Variants in MAST3 observed in about 807,000 individuals in gnomAD.
The protein encoded by MAST3 is microtubule associated serine/threonine kinase 3.
Under a neutral mutation model 127.0 loss-of-function variants are expected in MAST3, and 43 were observed. The ratio of observed to expected loss-of-function variants is 0.34; its 90% CI spans 0.27 to 0.44. The LOEUF is 0.44. MAST3 is among the 20% of genes least tolerant of loss of function. The pLI is 1.00. For synonymous variants in MAST3, 785 were observed against 809.2 expected (o/e 0.97, Z 0.51); for missense variants, 1,390 against 1,919.1 (o/e 0.72, Z 5.15).
chr19:18,147,639 AC>A lies in MAST3; in HGVS notation c.3508+21del, dbSNP rs749945866. On this transcript the variant is annotated intron_variant, in intron 27 of 27. Transcript: ENST00000687212. ...TGTCCCAGCAGGTGGGTGCACCCCG[AC>A]CCCCCACCACCCCGGCTACCCTGGG... is the stretch of plus-strand genomic sequence containing the variant. 6.0e-6 allele frequency: 9 copies of A among 1,494,626 alleles called. No homozygotes were observed. Among genetic ancestry groups the A allele is most frequent in the Middle Eastern group, 1.9e-4 (1 of 5,224 alleles). The allele number at this position is 1,494,626 out of a possible 1,614,324, so 92.6% of individuals were successfully genotyped here.
chr19:18,131,820 G>C (rs2041325832), intron 14 of MAST3, 89 bp from the exon 15 acceptor site: 2 of 1,430,186 alleles, frequency 1.4e-6, no homozygotes, highest in African/African-American at 2.8e-5. Context: ...GTAAAGCGAG[G>C]AGGATGCATA....
At chr19:18,148,651 C>T (rs1023162342) in intron 27 of MAST3, among the ~76,000 whole-genome samples, 1 of 151,698 alleles carries the variant, frequency 6.6e-6, no homozygotes, top group Admixed American at 6.6e-5. Flanking sequence ...GCCTGTAATC[C>T]CAGCACTTTG....
At chr19:18,105,508 G>T (rs1016495879) in intron 1 of MAST3, among the ~76,000 whole-genome samples, 2 of 150,728 alleles carry the variant, frequency 1.3e-5, no homozygotes, top group Middle Eastern at 3.4e-3. Flanking sequence ...AGACTAGCCT[G>T]GGTAACATGG....
intron 13 of MAST3, 41 bp from the exon 14 acceptor site, chr19:18,130,453 C>T: frequency 6.5e-7 from 1 of 1,543,268 alleles, no homozygotes; most frequent in South Asian, 1.2e-5. Flanking sequence ...CTGCTGGGGC[C>T]TCGATCTCCG....
At chr19:18,132,218 C>G (rs541377138) in intron 15 of MAST3, among the ~76,000 whole-genome samples, 171 bp downstream of exon 15, 1 of 152,268 alleles carries the variant, frequency 6.6e-6, no homozygotes, top group Admixed American at 6.5e-5. Context: ...AGGGAATGAG[C>G]GCATGGTGAA....
chr19:18,119,111 C>T (rs1357893366), intron 3 of MAST3, among the ~76,000 whole-genome samples: 1 of 152,158 alleles, frequency 6.6e-6, no homozygotes. Flanking sequence ...TCCTGGATCT[C>T]CTCCAGGAAG....
intron 27 of MAST3, among the ~76,000 whole-genome samples, chr19:18,148,318 T>C (rs1599929493): frequency 2.0e-5 from 3 of 148,446 alleles, no homozygotes; most frequent in Admixed American, 2.0e-4. Context: ...AAAAATTAGG[T>C]GGTTGTGGTG....
chr19:18,105,277 G>T (rs1252261012), intron 1 of MAST3, among the ~76,000 whole-genome samples: 1 of 152,122 alleles, frequency 6.6e-6, no homozygotes, highest in East Asian at 1.9e-4. Flanking sequence ...TGAGTCAGGA[G>T]AATCGCTTGA....
intron 19 of MAST3, among the ~76,000 whole-genome samples, chr19:18,137,797 G>C (rs1203227879): frequency 6.6e-6 from 1 of 152,186 alleles, no homozygotes; most frequent in African/African-American, 2.4e-5. Flanking sequence ...TCCCCACTTG[G>C]GGTTCCTGCC....
Position 18,123,957 on chromosome 19 carries a change from G to T in MAST3, c.652G>T (p.Gly218Cys), listed in dbSNP as rs1320150713. Reference sequence around the variant, plus strand: ...CACCCAGGCCACAGCACAGATGGAGGGCCGTCTGCAGGAGTTCCTGACGGC... The same window carrying T: ...CACCCAGGCCACAGCACAGATGGAGTGCCGTCTGCAGGAGTTCCTGACGGC... ...RFPKATAQME[G>C]RLQEFLTAYA... Residue 218 changes from glycine to cysteine, a missense_variant, in exon 9 of 28, where the codon GGC becomes TGC. Gly to Cys is a radical substitution (Grantham distance 159). Transcript: ENST00000687212. 6.4e-7 allele frequency: 1 copy of T among 1,571,558 alleles called. No individual in the cohort carries two copies. The highest frequency in any genetic ancestry group is 2.4e-5 in the East Asian group (1 of 42,354).
At chr19:18,139,499 A>G (rs1437753263) in intron 20 of MAST3, among the ~76,000 whole-genome samples, 1 of 148,614 alleles carries the variant, frequency 6.7e-6, no homozygotes, top group Non-Finnish European at 1.5e-5. Flanking sequence ...TAATTTTTGT[A>G]TTTTTAATAG....
In MAST3 at chr19:18,149,046, C is replaced by T; in HGVS notation, c.3509-145C>T. On this transcript the variant is annotated intron_variant, in intron 27 of 27. Transcript: ENST00000687212. The surrounding 1 kb of genome is among the most constrained non-coding windows in gnomAD (Gnocchi z 5.9). ...ACAGTCTGGGCAACAGAGCAAGACC[C>T]TGTCTCAAAAACAAAAACAACCAGG... The T allele has an allele frequency of 1.2e-6, 1 of 821,446 alleles. No individual in the cohort carries two copies. The highest frequency in any genetic ancestry group is 1.8e-6 in the Non-Finnish European group (1 of 560,318). The allele number at this position is 821,446 out of a possible 1,614,324, so 50.9% of individuals were successfully genotyped here.
In MAST3 at chr19:18,147,440, C is replaced by A. The variant is rs372734106; in HGVS notation, c.3327-3C>A. ...TCTGAAGCCTCCGGTTTTCTTACCC[C>A]AGGCGGAAGTCACTTTTCAAGAAGA... On this transcript the variant is annotated splice_polypyrimidine_tract_variant and splice_region_variant and intron_variant, in intron 26 of 27. Coordinates refer to ENST00000687212, the MANE Select transcript of MAST3 (RefSeq NM_001393504.1). 6.2e-7 allele frequency: 1 copy of A among 1,613,038 alleles called. No homozygotes were observed. Among genetic ancestry groups the A allele is most frequent in the South Asian group, 1.1e-5 (1 of 90,928 alleles).
At chr19:18,140,080 A>G (rs1340427082) in intron 20 of MAST3, among the ~76,000 whole-genome samples, 1 of 151,658 alleles carries the variant, frequency 6.6e-6, no homozygotes, top group African/African-American at 2.4e-5. Context: ...CGGCCTCCCA[A>G]AGTGCTGGGA....
intron 20 of MAST3, among the ~76,000 whole-genome samples, chr19:18,139,858 T>C (rs10415418): frequency 0.94 from 132,873 of 141,504 alleles, 62,427 homozygotes; most frequent in East Asian, 0.96. Flanking sequence ...CTCGCTCTTT[T>C]GCCCAGGCTG....
intron 3 of MAST3, among the ~76,000 whole-genome samples, chr19:18,111,530 C>CTTTT (rs576984210): frequency 0.17 from 17,871 of 102,240 alleles, 2,092 homozygotes; most frequent in Non-Finnish European, 0.23. Flanking sequence ...TTTCCACAGA[C>CTTTT]TTTTTTTTTT....
In MAST3 at chr19:18,150,327, C is replaced by T. The variant is rs1006747492; in HGVS notation, c.*601C>T. 5 of 152,360 alleles carry T rather than the reference C, an allele frequency of 3.3e-5. No homozygotes were observed. The highest frequency in any genetic ancestry group is 2.0e-4 in the Admixed American group (3 of 15,290). 9.4% of individuals were successfully genotyped at this position (152,360 alleles called of 1,614,324 possible). On this transcript the variant is annotated 3_prime_UTR_variant, in exon 28 of 28. Transcript: ENST00000687212. ...ATAAGCGATAGCCGTACTGAGCCGC[C>T]CCCTGAAGGCGGCTGCCAGGTCTTG...
chr19:18,105,901 G>C (rs981881714), intron 1 of MAST3, among the ~76,000 whole-genome samples: 1 of 152,070 alleles, frequency 6.6e-6, no homozygotes. Context: ...GCCCAAACCT[G>C]CATAGGCTTT....
At chr19:18,123,517 C>T in intron 7 of MAST3, 63 bp from the exon 8 acceptor site, 1 of 1,473,450 alleles carries the variant, frequency 6.8e-7, no homozygotes, top group Non-Finnish European at 9.1e-7. Context: ...CTCAGATCCC[C>T]CAACATCCTC....
Sources: gnomAD v4.1 joint callset for allele counts (sites outside exome capture counted in the v4.1 genomes callset) on GRCh38, gnomAD v4.1.1 for gene constraint, Gnocchi (gnomAD v3.1) non-coding constraint, MANE v1.5 for transcripts, NCBI Gene and HGNC (gene_info 2026-07-23, HGNC 2026-07-21) for gene names.